PDLIM5: variants seen among roughly 807,000 people sequenced by gnomAD.
PDLIM5 encodes PDZ and LIM domain 5.
A neutral mutation model predicts 64.2 loss-of-function variants in PDLIM5; 34 were observed. The observed-to-expected ratio is 0.53, with a 90% CI of 0.40 to 0.71. The LOEUF is 0.71. PDLIM5 is among the 30% of genes least tolerant of loss of function. PDLIM5 has a pLI of 0.00. For synonymous variants in PDLIM5, 253 were observed against 269.1 expected (o/e 0.94, Z 0.59); for missense variants, 683 against 733.6 (o/e 0.93, Z 0.80).
chr4:94,460,163 A>G (rs761076459), intron 2 of PDLIM5, among the ~76,000 whole-genome samples: 4 of 152,204 alleles, frequency 2.6e-5, no homozygotes, highest in African/African-American at 4.8e-5. Flanking sequence ...CTTTAAAAAT[A>G]TTAATTACCT....
chr4:94,628,981 T>C (rs1381184456), intron 8 of PDLIM5, among the ~76,000 whole-genome samples: 1 of 151,230 alleles, frequency 6.6e-6, no homozygotes, highest in Non-Finnish European at 1.5e-5. Flanking sequence ...ATGAAGCCCA[T>C]TGGCCTCCTA....
intron 5 of PDLIM5, chr4:94,582,676 C>T (rs769583178): frequency 6.8e-7 from 1 of 1,469,920 alleles, no homozygotes; most frequent in Non-Finnish European, 9.5e-7. Context: ...GTCTTCTCTA[C>T]TCTATCGCAT....
intron 2 of PDLIM5, 120 bp from the exon 3 acceptor site, chr4:94,523,604 T>A: frequency 1.7e-6 from 1 of 578,224 alleles, no homozygotes; most frequent in East Asian, 2.8e-5. Context: ...AACAAGACAG[T>A]TTTATGTTAC....
chr4:94,602,496 A>G (rs1185545028), intron 7 of PDLIM5, among the ~76,000 whole-genome samples: 1 of 152,140 alleles, frequency 6.6e-6, no homozygotes, highest in Non-Finnish European at 1.5e-5. Flanking sequence ...TCTCTCATCC[A>G]GGCTGGAATG....
intron 5 of PDLIM5, chr4:94,585,141 A>C: frequency 1.8e-6 from 1 of 559,888 alleles, no homozygotes; most frequent in Non-Finnish European, 3.2e-6. Flanking sequence ...CCCAGGCTGG[A>C]GTGCAGTGGT....
At chr4:94,509,998 C>A (rs1360569103) in intron 2 of PDLIM5, among the ~76,000 whole-genome samples, 1 of 152,156 alleles carries the variant, frequency 6.6e-6, no homozygotes, top group Non-Finnish European at 1.5e-5. Context: ...CCATCACACC[C>A]CACTAGTTTA....
intron 2 of PDLIM5, among the ~76,000 whole-genome samples, chr4:94,509,136 A>G (rs1435236036): frequency 6.6e-6 from 1 of 152,146 alleles, no homozygotes; most frequent in African/African-American, 2.4e-5. Context: ...TCATCATTAT[A>G]TCATAATGGC....
intron 11 of PDLIM5, among the ~76,000 whole-genome samples, chr4:94,660,569 G>A (rs10025288): frequency 0.23 from 35,128 of 151,800 alleles, 4,434 homozygotes; most frequent in African/African-American, 0.33. Flanking sequence ...AATAAATCAT[G>A]ACATCCTCTT....
chr4:94,511,635 T>C (rs1393519283), intron 2 of PDLIM5, among the ~76,000 whole-genome samples: 3 of 151,700 alleles, frequency 2.0e-5, no homozygotes, highest in Non-Finnish European at 4.4e-5. Context: ...CTCCACTACA[T>C]TTCCCAGCCT....
intron 4 of PDLIM5, among the ~76,000 whole-genome samples, chr4:94,574,491 C>T (rs1391024100): frequency 7.6e-6 from 1 of 131,598 alleles, no homozygotes; most frequent in Non-Finnish European, 1.6e-5. Context: ...GAGCAAGACT[C>T]CTGTCTCAAA....
intron 2 of PDLIM5, among the ~76,000 whole-genome samples, chr4:94,482,123 T>C (rs1480300718): frequency 6.6e-6 from 1 of 152,082 alleles, no homozygotes; most frequent in Non-Finnish European, 1.5e-5. Context: ...CTCCCTTTTT[T>C]TTTTTAAATT....
chr4:94,485,595 A>C, intron 2 of PDLIM5, among the ~76,000 whole-genome samples: 1 of 152,020 alleles, frequency 6.6e-6, no homozygotes, highest in East Asian at 1.9e-4. Context: ...AGCATTTGGG[A>C]GGCCAAGGCA....
chr4:94,618,291 C>A, intron 8 of PDLIM5, 100 bp downstream of exon 8: 2 of 685,872 alleles, frequency 2.9e-6, no homozygotes, highest in Non-Finnish European at 4.6e-6. Flanking sequence ...AAAACCCATT[C>A]TCAATAACCT....
intron 2 of PDLIM5, among the ~76,000 whole-genome samples, chr4:94,504,483 C>T (rs937894097): frequency 2.0e-5 from 3 of 152,182 alleles, no homozygotes; most frequent in East Asian, 1.9e-4. Flanking sequence ...GATGGGGTTT[C>T]GCCATGTTGG....
chr4:94,658,298 T>C (rs1742377990), intron 11 of PDLIM5, among the ~76,000 whole-genome samples: 1 of 152,224 alleles, frequency 6.6e-6, no homozygotes, highest in Admixed American at 6.5e-5. Context: ...TAATCCTGAC[T>C]TGGATTGTTC....
At chr4:94,513,064 G>A (rs547409960) in intron 2 of PDLIM5, among the ~76,000 whole-genome samples, 20 of 152,192 alleles carry the variant, frequency 1.3e-4, no homozygotes, top group African/African-American at 3.9e-4. Context: ...ATTTGTTTCC[G>A]GATTCTCTAT....
intron 8 of PDLIM5, among the ~76,000 whole-genome samples, chr4:94,637,938 A>G (rs917722308): frequency 5.3e-5 from 8 of 152,308 alleles, no homozygotes; most frequent in Non-Finnish European, 8.8e-5. Context: ...GAACGGAAGG[A>G]CAGACCTGAG....
intron 9 of PDLIM5, among the ~76,000 whole-genome samples, chr4:94,651,121 C>T (rs1460398967): frequency 2.0e-5 from 3 of 152,182 alleles, no homozygotes; most frequent in Non-Finnish European, 4.4e-5. Context: ...TTAAATTAGT[C>T]TTTGCTGACA....
chr4:94,617,942 G>T, intron 7 of PDLIM5, 62 bp from the exon 8 acceptor site: 1 of 829,134 alleles, frequency 1.2e-6, no homozygotes, highest in Non-Finnish European at 1.8e-6. Flanking sequence ...TGAAAAGAAA[G>T]GATTATTGCT....
Sources: allele counts gnomAD v4.1 joint callset (sites outside exome capture counted in the v4.1 genomes callset), GRCh38; gene constraint gnomAD v4.1.1; transcripts MANE v1.5; gene names NCBI Gene and HGNC (gene_info 2026-07-23, HGNC 2026-07-21).